The following DKK2 variants were observed in gnomAD, a reference collection of about 807,000 sequenced individuals.
The protein encoded by DKK2 is dickkopf Wnt signaling pathway inhibitor 2, also known as dickkopf-related protein 2.
DKK2 carries 11 observed loss-of-function variants against 28.1 expected under a neutral mutation model. That is an observed-to-expected ratio of 0.39 (90% confidence interval 0.25 to 0.65). The LOEUF is 0.65. Ranked by LOEUF, DKK2 falls within the 30% of genes least tolerant of loss-of-function variation. The probability of loss-of-function intolerance (pLI) is 0.47; values close to 1 mark genes in which losing one functional copy is unlikely to be tolerated. For missense variants in DKK2, 326 were observed against 335.5 expected, an observed-to-expected ratio of 0.97 and a Z score of 0.22; for synonymous variants, 135 against 126.5, an observed-to-expected ratio of 1.07 and a Z score of -0.45.
chr4:107,017,183 T>C (rs1723622188), intron 1 of DKK2, among the ~76,000 whole-genome samples: 1 of 152,032 alleles, frequency 6.6e-6, no homozygotes, highest in Non-Finnish European at 1.5e-5. Flanking sequence ...CCAGAATCAA[T>C]ATCAAGCTCA....
chr4:107,013,120 CT>C (rs1723538807), intron 1 of DKK2, among the ~76,000 whole-genome samples: 2 of 151,090 alleles, frequency 1.3e-5, no homozygotes, highest in South Asian at 4.1e-4. Flanking sequence ...TATTATTTAT[CT>C]TTTCTTTGCT....
Position 107,004,524 on chromosome 4 carries a change from T to C in DKK2, c.222+30846A>G, listed in dbSNP as rs75428607. On this transcript the variant is annotated intron_variant, in intron 1 of 3. Coordinates refer to ENST00000285311, the MANE Select transcript of DKK2 (RefSeq NM_014421.3). ...TGTAATTGCTACAAAATACCACTAA[T>C]AAAATCTCAAAATTTGCCTCACTAT... 4.3e-3 allele frequency among the ~76,000 whole-genome samples: 660 copies of C among 152,314 alleles called. 2 individuals are homozygous for C. Among genetic ancestry groups the C allele is most frequent in the African/African-American group, 0.013 (545 of 41,564 alleles).
chr4:107,033,351 C>T (rs572822414), intron 1 of DKK2, among the ~76,000 whole-genome samples: 4 of 152,124 alleles, frequency 2.6e-5, no homozygotes, highest in Admixed American at 6.5e-5. Flanking sequence ...CAATTTAAGG[C>T]GATGTAAGTA....
At chr4:106,967,800 GAGA>G (rs910107789) in intron 1 of DKK2, among the ~76,000 whole-genome samples, 27 of 150,442 alleles carry the variant, frequency 1.8e-4, no homozygotes, top group Admixed American at 1.6e-3. Context: ...GAAAGGAGGG[GAGA>G]AGAAGAGAGG....
At chr4:106,938,918 A>T (rs1724645219) in intron 1 of DKK2, among the ~76,000 whole-genome samples, 1 of 151,574 alleles carries the variant, frequency 6.6e-6, no homozygotes, top group Non-Finnish European at 1.5e-5. Flanking sequence ...ACAACCCTTC[A>T]TGCTAAAAAC....
chr4:106,978,802 AG>A (rs1722982934), intron 1 of DKK2, among the ~76,000 whole-genome samples: 1 of 151,534 alleles, frequency 6.6e-6, no homozygotes, highest in African/African-American at 2.4e-5. Flanking sequence ...AAAAAGAAAA[AG>A]AAAACAAACA....
intron 1 of DKK2, among the ~76,000 whole-genome samples, chr4:107,018,686 C>T (rs886996116): frequency 5.9e-5 from 9 of 152,086 alleles, no homozygotes; most frequent in African/African-American, 2.2e-4. Context: ...GGGAATATCT[C>T]TCTTTCCTAG....
At chr4:106,931,012 C>A (rs1313039042) in intron 1 of DKK2, among the ~76,000 whole-genome samples, 1 of 152,154 alleles carries the variant, frequency 6.6e-6, no homozygotes, top group Non-Finnish European at 1.5e-5. Flanking sequence ...CACTACCCTT[C>A]AGGTGGTCAC....
chr4:106,957,276 GA>G (rs1465411529), intron 1 of DKK2, among the ~76,000 whole-genome samples: 1 of 150,460 alleles, frequency 6.6e-6, no homozygotes, highest in Non-Finnish European at 1.5e-5. Context: ...AGGATGTGGA[GA>G]AATAGGAACA....
At chr4:106,998,212 C>T (rs1326624010) in intron 1 of DKK2, among the ~76,000 whole-genome samples, 1 of 152,290 alleles carries the variant, frequency 6.6e-6, no homozygotes, top group Non-Finnish European at 1.5e-5. Context: ...TAATGAATCA[C>T]ATTTTTCTAA....
intron 1 of DKK2, among the ~76,000 whole-genome samples, chr4:106,961,783 G>C (rs991482305): frequency 6.6e-5 from 10 of 152,030 alleles, no homozygotes; most frequent in Admixed American, 4.6e-4. Flanking sequence ...CTTCAAAACT[G>C]TTGACTTTGG....
intron 1 of DKK2, among the ~76,000 whole-genome samples, chr4:106,934,710 T>C (rs1412331530): frequency 6.6e-6 from 1 of 152,222 alleles, no homozygotes; most frequent in Non-Finnish European, 1.5e-5. Flanking sequence ...CAAATTCTAC[T>C]CTGCTTTTGA....
chr4:106,933,298 T>A (rs940687802), intron 1 of DKK2, among the ~76,000 whole-genome samples: 2 of 152,194 alleles, frequency 1.3e-5, no homozygotes, highest in African/African-American at 2.4e-5. Context: ...CAGATAGACA[T>A]GGGTCTAAGT....
At chr4:106,926,234 C>T (rs915655444) in intron 1 of DKK2, among the ~76,000 whole-genome samples, 7 of 152,050 alleles carry the variant, frequency 4.6e-5, no homozygotes, top group African/African-American at 1.7e-4. Flanking sequence ...ATTCATAGGA[C>T]CCTTATGTGT....
intron 1 of DKK2, among the ~76,000 whole-genome samples, chr4:106,930,302 C>T (rs537881213): frequency 3.9e-5 from 6 of 152,174 alleles, no homozygotes; most frequent in African/African-American, 1.4e-4. Flanking sequence ...CTGTCTTCCC[C>T]CAAAGTCTTC....
intron 1 of DKK2, among the ~76,000 whole-genome samples, chr4:106,993,637 AT>A (rs1723234044): frequency 6.6e-6 from 1 of 152,050 alleles, no homozygotes; most frequent in Admixed American, 6.6e-5. Flanking sequence ...ATTTCACAAG[AT>A]CAAAAAGTAA....
At chr4:106,968,383 A>C (rs1722815342) in intron 1 of DKK2, among the ~76,000 whole-genome samples, 1 of 152,128 alleles carries the variant, frequency 6.6e-6, no homozygotes, top group Non-Finnish European at 1.5e-5. Flanking sequence ...GCCCAGGATA[A>C]TCAACTTGCT....
intron 1 of DKK2, among the ~76,000 whole-genome samples, chr4:106,994,140 C>T (rs1428837748): frequency 2.6e-5 from 4 of 152,292 alleles, no homozygotes; most frequent in African/African-American, 7.2e-5. Context: ...AGCAGTCTCT[C>T]CACTATTAAG....
At chr4:106,940,270 C>G (rs1724673383) in intron 1 of DKK2, among the ~76,000 whole-genome samples, 2 of 152,076 alleles carry the variant, frequency 1.3e-5, no homozygotes, top group Non-Finnish European at 1.5e-5. Flanking sequence ...CAAGAAAAAA[C>G]AAATAACCCC....
Sources: allele counts gnomAD v4.1 joint callset (sites outside exome capture counted in the v4.1 genomes callset), GRCh38; gene constraint gnomAD v4.1.1; transcripts MANE v1.5; gene names NCBI Gene and HGNC (gene_info 2026-07-23, HGNC 2026-07-21).